NTN1: variants seen among roughly 807,000 people sequenced by gnomAD.
NTN1 encodes netrin 1.
A neutral mutation model predicts 54.2 loss-of-function variants in NTN1; 11 were observed. The ratio of observed to expected loss-of-function variants is 0.20; its 90% CI spans 0.13 to 0.34. The LOEUF (loss-of-function observed/expected upper bound fraction) is 0.34. Ranked by LOEUF, NTN1 falls within the 10% of genes least tolerant of loss-of-function variation. The pLI is 1.00. For missense variants in NTN1, 740 were observed against 893.1 expected, an observed-to-expected ratio of 0.83 and a Z score of 2.18; for synonymous variants, 371 against 382.0, an observed-to-expected ratio of 0.97 and a Z score of 0.33.
At chr17:9,133,754 ATTTTTT>A (rs57053201) in intron 2 of NTN1, among the ~76,000 whole-genome samples, 2,824 of 104,542 alleles carry the variant, frequency 0.027, 35 homozygotes, top group Middle Eastern at 0.04. Context: ...TGCCCAGCTA[ATTTTTT>A]TTTTTTTTTT....
At chr17:9,117,771 C>A (rs9902900) in intron 2 of NTN1, among the ~76,000 whole-genome samples, 53 of 126,734 alleles carry the variant, frequency 4.2e-4, no homozygotes, top group Middle Eastern at 3.9e-3. Context: ...ACAAAAAAAC[C>A]AAAAAAAAAA....
rs939906735 is a variant in NTN1 at position 9,048,415 on chromosome 17, G to C, written c.1018+25024G>C. Among the ~76,000 whole-genome samples, 3 of 151,506 alleles carry C rather than the reference G, an allele frequency of 2.0e-5. No individual in the cohort carries two copies. In the South Asian group the frequency reaches 6.2e-4, roughly 31 times the overall value. ...GATTTGCTGTCCTCCAGGCTTTGTT[G>C]TTCCATTTATAGGGCACAGGCAGAG... On this transcript the variant is annotated intron_variant, in intron 2 of 6. Coordinates refer to ENST00000173229, the MANE Select transcript of NTN1 (RefSeq NM_004822.3).
the NTN1 span, among the ~76,000 whole-genome samples, chr17:9,003,520 T>C: frequency 4.0e-5 from 6 of 149,482 alleles, no homozygotes; most frequent in East Asian, 1.2e-3. The surrounding 1 kb of genome is among the most constrained non-coding windows in gnomAD (Gnocchi z 7.4). Context: ...GGGTCCTTTG[T>C]AGCCCGCTGG....
At chr17:9,087,584 T>G (rs2030793) in intron 2 of NTN1, among the ~76,000 whole-genome samples, 112,291 of 152,048 alleles carry the variant, frequency 0.74, 41,729 homozygotes, top group East Asian at 0.95. Context: ...TCATTTGGTG[T>G]AGGAGTTTGA....
intron 2 of NTN1, among the ~76,000 whole-genome samples, chr17:9,062,994 G>A (rs927831832): frequency 1.3e-5 from 2 of 152,080 alleles, no homozygotes; most frequent in African/African-American, 4.8e-5. Context: ...ATTTTCCACT[G>A]AGAAATCCTG....
chr17:9,092,378 C>T (rs1342695748), intron 2 of NTN1, among the ~76,000 whole-genome samples: 4 of 145,176 alleles, frequency 2.8e-5, no homozygotes, highest in Non-Finnish European at 6.0e-5. Flanking sequence ...ACCTCTCCCT[C>T]CCAGATTCAA....
chr17:9,022,568 C>T lies in NTN1; in HGVS notation c.195C>T (p.Arg65=), dbSNP rs983980455. The part of the protein sequence containing the change: ...FVNAAFGKDV[R]VSSTCGRPPA... Reference sequence around the variant, plus strand: ...ATGCGGCCTTCGGCAAGGACGTGCGCGTGTCCAGCACCTGCGGCCGGCCCC... The same window carrying T: ...ATGCGGCCTTCGGCAAGGACGTGCGTGTGTCCAGCACCTGCGGCCGGCCCC... Residue 65 remains arginine (R), a synonymous_variant, in exon 2 of 7, where the codon CGC becomes CGT. Coordinates refer to ENST00000173229, the MANE Select transcript of NTN1 (RefSeq NM_004822.3). 3.2e-6 allele frequency: 5 copies of T among 1,547,580 alleles called. No individual in the cohort carries two copies. The highest frequency in any genetic ancestry group is 2.7e-5 in the African/African-American group (2 of 73,192).
In NTN1 at chr17:9,151,586, G is replaced by A. The variant is rs139588294; in HGVS notation, c.1019-11227G>A. ...GTGGTGGGGAGGGGGAAGGGAGGGT[G>A]GACAGAAATTCTGTTTTCAAATTGG... On this transcript the variant is annotated intron_variant, in intron 2 of 6. Transcript: ENST00000173229. Among the ~76,000 whole-genome samples the A allele has an allele frequency of 7.3e-3, 1,115 of 152,286 alleles. 14 individuals carry two copies. The highest frequency in any genetic ancestry group is 0.024 in the African/African-American group (993 of 41,542).
intron 4 of NTN1, among the ~76,000 whole-genome samples, chr17:9,182,144 ATTTGT>A (rs1268775778): frequency 2.6e-5 from 4 of 151,952 alleles, no homozygotes; most frequent in Non-Finnish European, 5.9e-5. Context: ...CGCCTGGCTG[ATTTGT>A]TTTATTTCTT....
intron 5 of NTN1, among the ~76,000 whole-genome samples, chr17:9,205,807 A>G (rs1904953220): frequency 1.3e-5 from 2 of 152,234 alleles, no homozygotes; most frequent in Admixed American, 6.5e-5. Context: ...GATGCTGAAC[A>G]CTTGTACCTC....
chr17:9,210,838 G>A (rs1202707309), intron 5 of NTN1, among the ~76,000 whole-genome samples: 1 of 146,472 alleles, frequency 6.8e-6, no homozygotes, highest in Non-Finnish European at 1.5e-5. Flanking sequence ...CCTGGGAGGT[G>A]GAGGTTGCAG....
chr17:9,218,494 T>C (rs1026574240), intron 5 of NTN1, among the ~76,000 whole-genome samples: 1 of 152,174 alleles, frequency 6.6e-6, no homozygotes, highest in Admixed American at 6.5e-5. Context: ...TAGGCAGTGA[T>C]GGATGCCACA....
At chr17:9,147,800 A>G (rs78832286) in intron 2 of NTN1, among the ~76,000 whole-genome samples, 5,423 of 152,306 alleles carry the variant, frequency 0.036, 166 homozygotes, top group African/African-American at 0.086. Flanking sequence ...GCCACCTAAA[A>G]TCTTTCATTA....
chr17:9,222,546 A>G (rs895990401), intron 6 of NTN1, among the ~76,000 whole-genome samples: 1 of 152,220 alleles, frequency 6.6e-6, no homozygotes, highest in African/African-American at 2.4e-5. Flanking sequence ...ACAGGCTCCC[A>G]GCAAACAGTG....
At chr17:9,066,864 G>T (rs2142212073) in intron 2 of NTN1, among the ~76,000 whole-genome samples, 1 of 152,128 alleles carries the variant, frequency 6.6e-6, no homozygotes, top group South Asian at 2.1e-4. Flanking sequence ...AACTGGGCAT[G>T]TTGGCACATG....
intron 3 of NTN1, among the ~76,000 whole-genome samples, chr17:9,178,549 C>T (rs2142314936): frequency 6.6e-6 from 1 of 152,366 alleles, no homozygotes; most frequent in Non-Finnish European, 1.5e-5. Context: ...GACTCCCGTG[C>T]TCACGCCCAG....
chr17:9,018,477 C>A (rs966258886), upstream of NTN1, among the ~76,000 whole-genome samples: 3 of 151,786 alleles, frequency 2.0e-5, no homozygotes, highest in Non-Finnish European at 4.4e-5. Flanking sequence ...ACTAAAAATA[C>A]AAAAAAATTA....
chr17:9,034,350 C>T (rs2091896744), intron 2 of NTN1, among the ~76,000 whole-genome samples: 1 of 152,136 alleles, frequency 6.6e-6, no homozygotes, highest in Non-Finnish European at 1.5e-5. Flanking sequence ...ATGTACTGTT[C>T]TAAGCCCTTT....
At position 9,239,924 on chromosome 17, in the gene NTN1, A is replaced by C; in HGVS notation, c.1771A>C (p.Lys591Gln). The C allele has an allele frequency of 7.2e-7, 1 of 1,379,604 alleles. No individual in the cohort carries two copies. The highest frequency in any genetic ancestry group is 9.7e-7 in the Non-Finnish European group (1 of 1,035,198). 85.5% of individuals were successfully genotyped at this position (1,379,604 alleles called of 1,614,324 possible). A position where few individuals can be genotyped will look rare whatever the true frequency, so the allele number is the denominator to read the frequency against. The change falls in exon 7 of 7, where the codon AAG (lysine) becomes CAG (glutamine). Residue 591 changes from lysine (K) to glutamine (Q), a missense_variant. By Grantham distance (53) the Lys-to-Gln change is moderately conservative. Transcript: ENST00000173229. The surrounding 1 kb of genome is among the most constrained non-coding windows in gnomAD (Gnocchi z 5.2). ...WRDTWARRLR[K>Q]FQQREKKGKC... ...GGACACGTGGGCGCGGCGGCTGCGCAAGTTCCAGCAGCGTGAGAAGAAGGG... is the reference window on the plus strand; with the variant it reads ...GGACACGTGGGCGCGGCGGCTGCGCCAGTTCCAGCAGCGTGAGAAGAAGGG...
Sources: allele counts gnomAD v4.1 joint callset (sites outside exome capture counted in the v4.1 genomes callset), GRCh38; gene constraint gnomAD v4.1.1; non-coding constraint Gnocchi (gnomAD v3.1); transcripts MANE v1.5; gene names NCBI Gene and HGNC (gene_info 2026-07-23, HGNC 2026-07-21).